The following PCDHGB6 variants were observed in gnomAD, a reference collection of about 807,000 sequenced individuals.
PCDHGB6 encodes protocadherin gamma subfamily B, 6, also known as protocadherin gamma-B6.
PCDHGB6 carries 51 observed loss-of-function variants against 59.1 expected under a neutral mutation model. The ratio of observed to expected loss-of-function variants is 0.86; its 90% CI spans 0.69 to 1.09. The LOEUF (loss-of-function observed/expected upper bound fraction) is 1.09. Ranked by LOEUF, PCDHGB6 falls within the 50% of genes least tolerant of loss-of-function variation. The pLI is 0.00. For missense variants in PCDHGB6, 1,148 were observed against 1,205.1 expected (o/e 0.95, Z 0.70); for synonymous variants, 466 against 495.1 (o/e 0.94, Z 0.78).
chr5:141,438,641 C>CAT (rs2098042490), intron 1 of PCDHGB6, among the ~76,000 whole-genome samples: 2 of 79,354 alleles, frequency 2.5e-5, no homozygotes, highest in Non-Finnish European at 4.5e-5. Context: ...TATATACACA[C>CAT]ACACACACAC....
At chr5:141,440,399 A>T (rs1215824479) in intron 1 of PCDHGB6, 1 of 152,164 alleles carries the variant, frequency 6.6e-6, no homozygotes, top group Non-Finnish European at 1.5e-5. Context: ...CCGAGAGGCA[A>T]TCGCACCACT....
chr5:141,413,567 A>G (rs950241336), intron 1 of PCDHGB6: 2 of 1,613,936 alleles, frequency 1.2e-6, no homozygotes, highest in Admixed American at 1.7e-5. Context: ...ACTGATATCA[A>G]TGACAATGCT....
At chr5:141,466,348 G>A (rs2099120992) in intron 1 of PCDHGB6, among the ~76,000 whole-genome samples, 2 of 151,876 alleles carry the variant, frequency 1.3e-5, no homozygotes, top group Admixed American at 6.6e-5. Context: ...TTTTTTTGCA[G>A]CTAATCTAGA....
Position 141,447,434 on chromosome 5 carries a change from G to A in PCDHGB6, c.2418+36814G>A, listed in dbSNP as rs114249648. ...ATTACAGGCGTGAGCCACCGCACCC[G>A]GAGGAAATTTTTAACCTCAGTTTTT... On this transcript the variant is annotated intron_variant, in intron 1 of 3. Transcript: ENST00000520790. 2.8e-3 allele frequency among the ~76,000 whole-genome samples: 425 copies of A among 152,164 alleles called. 1 individual carries two copies. The highest frequency in any genetic ancestry group is 9.5e-3 in the African/African-American group (394 of 41,546).
rs2095139011 is a variant in PCDHGB6 at position 141,408,617 on chromosome 5, C to T, written c.415C>T (p.His139Tyr). 2 of 1,614,004 alleles carry T rather than the reference C, an allele frequency of 1.2e-6. No homozygotes were observed. The highest frequency in any genetic ancestry group is 2.7e-5 in the African/African-American group (2 of 75,056). Residue 139 changes from histidine (H) to tyrosine (Y), a missense_variant, in exon 1 of 4, where the codon CAT (histidine) becomes TAT (tyrosine). Transcript: ENST00000520790. ...CCCTCAATTTGATAAAAAGGAAATA[C>T]ATTTAGAAATTTTCGAATCTGCATC... ...HAPQFDKKEI[H>Y]LEIFESASAG...
At chr5:141,415,252 C>T (rs895920596) in intron 1 of PCDHGB6, 5 of 1,614,098 alleles carry the variant, frequency 3.1e-6, no homozygotes, top group Non-Finnish European at 4.2e-6. Context: ...AACCTCAGAC[C>T]TCACTCTGTA....
intron 1 of PCDHGB6, chr5:141,422,819 TGAGA>T (rs766395950): frequency 6.2e-7 from 1 of 1,614,188 alleles, no homozygotes; most frequent in African/African-American, 1.3e-5. Flanking sequence ...GACTTAGAAC[TGAGA>T]GTGATAGCAC....
Position 141,410,380 on chromosome 5 carries a change from C to T in PCDHGB6, c.2178C>T (p.Cys726=). The part of the protein sequence containing the change: ...RRSLSPATWD[C]FHPGLCVKSG... ...CTCTCAGCCCTGCTACTTGGGACTG[C>T]TTCCATCCTGGTCTCTGTGTCAAGT... The change falls in exon 1 of 4, where the codon TGC becomes TGT. Residue 726 remains cysteine (C), a synonymous_variant. Coordinates refer to ENST00000520790, the MANE Select transcript of PCDHGB6 (RefSeq NM_018926.3). 1 of 1,614,072 alleles carries T rather than the reference C, an allele frequency of 6.2e-7. No individual in the cohort carries two copies. The highest frequency in any genetic ancestry group is 8.5e-7 in the Non-Finnish European group (1 of 1,179,902).
At chr5:141,446,873 A>T (rs1324695415) in intron 1 of PCDHGB6, among the ~76,000 whole-genome samples, 1 of 152,132 alleles carries the variant, frequency 6.6e-6, no homozygotes, top group African/African-American at 2.4e-5. Flanking sequence ...CTACACTGGT[A>T]TGTTTTGGGG....
chr5:141,413,530 A>G (rs879218343), intron 1 of PCDHGB6: 1 of 1,613,954 alleles, frequency 6.2e-7, no homozygotes, highest in Non-Finnish European at 8.5e-7. Context: ...AGACAGGGTG[A>G]AACTTTTTGG....
rs774140980 is a variant in PCDHGB6, at chr5:141,420,167, T to G, written c.2418+9547T>G. On this transcript the variant is annotated intron_variant, in intron 1 of 3. Transcript: ENST00000520790. ...GAATCCAGAATTTAATTTTTTCACA[T>G]CTGTTGATCATTGTCCAGCCACACA... 3 of 1,614,082 alleles carry G rather than the reference T, an allele frequency of 1.9e-6. No homozygotes were observed. The South Asian group carries it at 3.3e-5, about 18-fold the overall frequency.
rs149649459 is a variant in PCDHGB6, at chr5:141,505,183, G to A, written c.2478-210G>A. ...TCTAAAACAAAAAGAAAAAAGCATC[G>A]GAGGCAGCAAAGAGCTGGTTTGAGG... On this transcript the variant is annotated intron_variant, in intron 2 of 3. Transcript: ENST00000520790. Among the ~76,000 whole-genome samples, 214 of 152,244 alleles carry A rather than the reference G, an allele frequency of 1.4e-3. 1 individual carries two copies. Among genetic ancestry groups the A allele is most frequent in the African/African-American group, 4.8e-3 (200 of 41,530 alleles).
rs759346998 is a variant in PCDHGB6, at chr5:141,410,849, CTTTTTTTTTT to C, written c.2418+242_2418+251del. Reference sequence around the variant, plus strand: ...CAGACTGAAGATATTTTGTCTTTGTCTTTTTTTTTTTTTTTTTTTTTTGAGATGGAGTCTC... The same window carrying C: ...CAGACTGAAGATATTTTGTCTTTGTCTTTTTTTTTTTTGAGATGGAGTCTC... On this transcript the variant is annotated intron_variant, in intron 1 of 3. Coordinates refer to ENST00000520790, the MANE Select transcript of PCDHGB6 (RefSeq NM_018926.3). 8 of 138,182 alleles carry C rather than the reference CTTTTTTTTTT, an allele frequency of 5.8e-5. 2 individuals are homozygous for C. The highest frequency in any genetic ancestry group is 7.3e-5 in the Non-Finnish European group (6 of 82,424). 8.6% of individuals were successfully genotyped at this position (138,182 alleles called of 1,614,324 possible). A position where few individuals can be genotyped will look rare whatever the true frequency, so the allele number is the denominator to read the frequency against.
At chr5:141,483,753 G>A (rs1316976446) in intron 1 of PCDHGB6, among the ~76,000 whole-genome samples, 1 of 152,082 alleles carries the variant, frequency 6.6e-6, no homozygotes, top group Non-Finnish European at 1.5e-5. Flanking sequence ...CCTGAGGATC[G>A]AGGCTTGGAA....
intron 1 of PCDHGB6, chr5:141,428,456 A>G (rs538022786): frequency 1.4e-5 from 5 of 358,650 alleles, no homozygotes; most frequent in South Asian, 1.1e-4. Context: ...TTTCCCAACT[A>G]CAATGAGGGA....
At chr5:141,479,798 G>A (rs892288776) in intron 1 of PCDHGB6, among the ~76,000 whole-genome samples, 3 of 152,116 alleles carry the variant, frequency 2.0e-5, no homozygotes, top group African/African-American at 7.2e-5. Flanking sequence ...ATTAATTCAG[G>A]GTGGTATGCA....
chr5:141,446,778 T>C (rs2098515519), intron 1 of PCDHGB6, among the ~76,000 whole-genome samples: 1 of 152,116 alleles, frequency 6.6e-6, no homozygotes, highest in South Asian at 2.1e-4. Flanking sequence ...GTTACCATTC[T>C]TTTACTCTGA....
rs142995927 is a variant in PCDHGB6, at chr5:141,489,933, C to T, written c.2419-4874C>T. 38 of 1,614,064 alleles carry T rather than the reference C, an allele frequency of 2.4e-5. No homozygotes were observed. The highest frequency in any genetic ancestry group is 1.8e-4 in the South Asian group (16 of 91,084). On this transcript the variant is annotated intron_variant, in intron 1 of 3. Transcript: ENST00000520790. This position sits in a 1 kb window ranked among gnomAD's most constrained non-coding sequence, Gnocchi z 4.5. ...CAGGGACCACCCTTATCTCTGTCAT[C>T]GTGCTGGACATCAATGATAATGCTC...
chr5:141,423,887 T>C, intron 1 of PCDHGB6: 2 of 1,282,240 alleles, frequency 1.6e-6, no homozygotes, highest in Non-Finnish European at 2.0e-6. Context: ...CTTGGCATAT[T>C]TTCTTTTGAT....
Sources: gnomAD v4.1 joint callset for allele counts (sites outside exome capture counted in the v4.1 genomes callset) on GRCh38, gnomAD v4.1.1 for gene constraint, Gnocchi (gnomAD v3.1) non-coding constraint, MANE v1.5 for transcripts, NCBI Gene and HGNC (gene_info 2026-07-23, HGNC 2026-07-21) for gene names.